Variants in SLC39A10 observed in about 807,000 individuals in gnomAD.
The protein encoded by SLC39A10 is zinc transporter ZIP10.
In SLC39A10, 13 loss-of-function variants were observed where a neutral mutation model predicts 65.1. That is an observed-to-expected ratio of 0.20 (90% CI 0.13 to 0.32). The LOEUF is 0.32. Ranked by LOEUF, SLC39A10 falls within the 10% of genes least tolerant of loss-of-function variation. SLC39A10 has a pLI of 1.00. For missense variants in SLC39A10, 831 were observed against 1,018.4 expected (o/e 0.82, Z 2.50); for synonymous variants, 321 against 342.2 (o/e 0.94, Z 0.68).
chr2:195,736,688 T>A lies in SLC39A10; in HGVS notation c.*1647T>A, dbSNP rs1692619819. Reference sequence around the variant, plus strand: ...GCTTAGGTGTTATTTCTTTAATTTATGCTTGAATCTGAAAAATTATTTCTG... The same window carrying A: ...GCTTAGGTGTTATTTCTTTAATTTAAGCTTGAATCTGAAAAATTATTTCTG... On this transcript the variant is annotated 3_prime_UTR_variant, in exon 10 of 10. Coordinates refer to ENST00000359634, the MANE Select transcript of SLC39A10 (RefSeq NM_020342.3). 1 of 152,310 alleles carries A rather than the reference T, an allele frequency of 6.6e-6. No homozygotes were observed. Among genetic ancestry groups the A allele is most frequent in the South Asian group, 2.1e-4 (1 of 4,834 alleles). 9.4% of individuals were successfully genotyped at this position (152,310 alleles called of 1,614,324 possible). A position where few individuals can be genotyped will look rare whatever the true frequency, so the allele number is the denominator to read the frequency against.
chr2:195,664,898 A>G (rs1689574259), intron 1 of SLC39A10, among the ~76,000 whole-genome samples: 2 of 152,306 alleles, frequency 1.3e-5, no homozygotes, highest in Non-Finnish European at 1.5e-5. Context: ...CAGACTGCAA[A>G]CAGGCTGGGT....
chr2:195,687,179 T>C (rs1690558104), intron 3 of SLC39A10, among the ~76,000 whole-genome samples: 1 of 152,176 alleles, frequency 6.6e-6, no homozygotes, highest in African/African-American at 2.4e-5. Context: ...CAGGTGCCTG[T>C]AAATTCTCAC....
intron 6 of SLC39A10, among the ~76,000 whole-genome samples, chr2:195,715,525 CAAAAAAAAAAAA>C (rs545656309): frequency 5.5e-4 from 34 of 61,634 alleles, no homozygotes; most frequent in South Asian, 5.0e-3. Context: ...GACTCTGTCT[CAAAAAAAAAAAA>C]AAAAAAAAAA....
intron 2 of SLC39A10, among the ~76,000 whole-genome samples, chr2:195,646,833 A>C (rs1184594113): frequency 2.0e-5 from 3 of 152,180 alleles, no homozygotes; most frequent in African/African-American, 7.2e-5. Context: ...CACACTGCTT[A>C]TGAGAATCTA....
At chr2:195,654,952 G>A (rs1689115984), upstream of SLC39A10, among the ~76,000 whole-genome samples, 1 of 152,152 alleles carries the variant, frequency 6.6e-6, no homozygotes, top group African/African-American at 2.4e-5. Flanking sequence ...AAATCAGTGT[G>A]TATACACTTG....
At chr2:195,647,611 G>C (rs937112267) in intron 2 of SLC39A10, among the ~76,000 whole-genome samples, 2 of 151,522 alleles carry the variant, frequency 1.3e-5, no homozygotes, top group Non-Finnish European at 2.9e-5. Flanking sequence ...CCCAAATTTT[G>C]GCCTTTGCTA....
chr2:195,645,452 A>G (rs1402189785), intron 2 of SLC39A10, among the ~76,000 whole-genome samples: 1 of 152,216 alleles, frequency 6.6e-6, no homozygotes, highest in Admixed American at 6.5e-5. Context: ...ACGTACTATA[A>G]TATGGTTCAA....
intron 3 of SLC39A10, among the ~76,000 whole-genome samples, chr2:195,697,867 T>A (rs1381514462): frequency 6.6e-6 from 1 of 152,100 alleles, no homozygotes; most frequent in Non-Finnish European, 1.5e-5. Flanking sequence ...AAAACCACAA[T>A]GAGATACCAT....
At chr2:195,723,746 T>TAA (rs11364851) in intron 8 of SLC39A10, among the ~76,000 whole-genome samples, 3 of 149,726 alleles carry the variant, frequency 2.0e-5, no homozygotes, top group African/African-American at 7.4e-5. Flanking sequence ...ACATTTTGAT[T>TAA]AAAAAAAAAA....
chr2:195,680,800 C>T lies in SLC39A10; in HGVS notation c.758C>T (p.Pro253Leu). 1 of 1,614,074 alleles carries T rather than the reference C, an allele frequency of 6.2e-7. No individual in the cohort carries two copies. Among genetic ancestry groups the T allele is most frequent in the Non-Finnish European group, 8.5e-7 (1 of 1,180,002 alleles). The change falls in exon 2 of 10, where the codon CCT (proline) becomes CTT (leucine). Residue 253 changes from proline (P) to leucine (L), a missense_variant. Around this residue, in one of 4 missense-constraint regions of SLC39A10, gnomAD observed 446 missense variants for 499.2 expected, o/e 0.89. Transcript: ENST00000359634. ...NSEVITPGFP[P>L]NHDQGEQYEH... ...GAGGTTATTACACCAGGTTTTCCCC[C>T]TAACCATGATCAGGGTGAACAGTAT...
At position 195,708,660 on chromosome 2, in the gene SLC39A10, A is replaced by G; in HGVS notation, c.1391A>G (p.Gln464Arg). 6.3e-7 allele frequency: 1 copy of G among 1,577,912 alleles called. No homozygotes were observed. Reference protein sequence around the residue: ...DALLHLLPHSQGGHDHSHQHA... With the variant: ...DALLHLLPHSRGGHDHSHQHA... The stretch of plus-strand genomic sequence containing the variant: ...TTTATTTGTTCTTATTAATAGTCTC[A>G]GGGTGGACATGATCACAGTCACCAA... Residue 464 changes from glutamine (Q) to arginine (R), a missense_variant, in exon 5 of 10, where the codon CAG becomes CGG. Physicochemically the swap from Gln to Arg is conservative, Grantham distance 43. Around this residue, in one of 4 missense-constraint regions of SLC39A10, gnomAD observed 35 missense variants for 72.4 expected, o/e 0.48. Transcript: ENST00000359634.
rs139368620 is a variant in SLC39A10 at position 195,697,875 on chromosome 2, C to CGTA, written c.1217-8741_1217-8740insGTA. On this transcript the variant is annotated intron_variant, in intron 3 of 9. Transcript: ENST00000359634. ...GCAAATCAAAACCACAATGAGATAC[C>CGTA]ATCTTACACCAGTCAGAATGTTTTG... is the stretch of plus-strand genomic sequence containing the variant. Among the ~76,000 whole-genome samples, 990 of 152,222 alleles carry CGTA rather than the reference C, an allele frequency of 6.5e-3. 6 individuals are homozygous for CGTA. The highest frequency in any genetic ancestry group is 0.027 in the Middle Eastern group (8 of 294).
chr2:195,686,418 G>T (rs1690525736), intron 3 of SLC39A10, among the ~76,000 whole-genome samples: 1 of 152,060 alleles, frequency 6.6e-6, no homozygotes, highest in African/African-American at 2.4e-5. Context: ...GGATATGGTG[G>T]TGCGGCCTGT....
Position 195,728,086 on chromosome 2 carries a change from T to C in SLC39A10, c.2147-73T>C. On this transcript the variant is annotated intron_variant, in intron 8 of 9. Transcript: ENST00000359634. This position sits in a 1 kb window ranked among gnomAD's most constrained non-coding sequence, Gnocchi z 4.4. ...GTGTATCTTTTTAATGCTGATTTTA[T>C]TTGTTTTCTCCTTTCAGATTTGTGT... 3.8e-6 allele frequency: 5 copies of C among 1,331,294 alleles called. No individual in the cohort carries two copies. The highest frequency in any genetic ancestry group is 5.2e-6 in the Non-Finnish European group (5 of 959,858). The allele number at this position is 1,331,294 out of a possible 1,614,324, so 82.5% of individuals were successfully genotyped here.
At chr2:195,679,693 A>G (rs569394016) in intron 1 of SLC39A10, among the ~76,000 whole-genome samples, 37 of 152,316 alleles carry the variant, frequency 2.4e-4, no homozygotes, top group African/African-American at 7.5e-4. Context: ...TTGGTTAGAT[A>G]CATTCCTAGC....
chr2:195,646,782 C>A (rs1256964558), intron 2 of SLC39A10, among the ~76,000 whole-genome samples: 2 of 152,160 alleles, frequency 1.3e-5, no homozygotes, highest in Non-Finnish European at 2.9e-5. Context: ...CATGGGAGCA[C>A]GAACCCTATG....
chr2:195,725,625 A>G (rs898533097), intron 8 of SLC39A10, among the ~76,000 whole-genome samples: 1 of 152,186 alleles, frequency 6.6e-6, no homozygotes, highest in South Asian at 2.1e-4. Flanking sequence ...CCCAAGAGAA[A>G]TGAAAACTTA....
At chr2:195,703,893 G>C (rs1294650490) in intron 3 of SLC39A10, among the ~76,000 whole-genome samples, 1 of 152,062 alleles carries the variant, frequency 6.6e-6, no homozygotes, top group Non-Finnish European at 1.5e-5. Context: ...ACCTTAATCA[G>C]CCTGTCTGCC....
At position 195,716,674 on chromosome 2, in the gene SLC39A10, T is replaced by C. The variant is rs1691824272; in HGVS notation, c.1734T>C (p.Asn578=). ...DDSVVSEDRL[N]ETELTDLEGQ... ...CGGTTGTTTCTGAAGATCGACTTAA[T>C]GAAACTGAACTGACAGATTTAGAAG... The change falls in exon 7 of 10, where the codon AAT becomes AAC. Residue 578 remains asparagine (N), a synonymous_variant. Transcript: ENST00000359634. 1 of 1,612,026 alleles carries C rather than the reference T, an allele frequency of 6.2e-7. No individual in the cohort carries two copies. The highest frequency in any genetic ancestry group is 2.2e-5 in the East Asian group (1 of 44,888).
Sources: gnomAD v4.1 joint callset for allele counts (sites outside exome capture counted in the v4.1 genomes callset) on GRCh38, gnomAD v4.1.1 for gene constraint, gnomAD v4.1.1 regional missense constraint, Gnocchi (gnomAD v3.1) non-coding constraint, MANE v1.5 for transcripts, NCBI Gene and HGNC (gene_info 2026-07-23, HGNC 2026-07-21) for gene names.